WNT7B: variants seen among roughly 807,000 people sequenced by gnomAD.
WNT7B encodes the protein protein Wnt-7b.
A neutral mutation model predicts 38.2 loss-of-function variants in WNT7B; 19 were observed. The observed-to-expected ratio is 0.50, with a 90% confidence interval of 0.35 to 0.73. The LOEUF (loss-of-function observed/expected upper bound fraction) is 0.73, where lower values mean the gene tolerates loss of function less well. WNT7B is among the 30% of genes least tolerant of loss of function. The pLI is 0.01. For synonymous variants in WNT7B, 243 were observed against 209.3 expected (o/e 1.16, Z -1.39); for missense variants, 423 against 507.9 (o/e 0.83, Z 1.61).
Position 45,946,723 on chromosome 22 carries a change from C to A in WNT7B, c.298+3197G>T, listed in dbSNP as rs74739744. On this transcript the variant is annotated intron_variant, in intron 2 of 3. Coordinates refer to ENST00000339464, the MANE Select transcript of WNT7B (RefSeq NM_058238.3). ...CCAGGGGCCCAGGGCAAAGCCAGCA[C>A]AGGGTCCTTAGAAGAAACCATCTGT... Among the ~76,000 whole-genome samples the A allele has an allele frequency of 7.5e-3, 1,136 of 152,310 alleles. 23 individuals are homozygous for A. The highest frequency in any genetic ancestry group is 0.026 in the African/African-American group (1,060 of 41,566).
intron 3 of WNT7B, chr22:45,926,396 G>C: frequency 1.0e-6 from 1 of 985,402 alleles, no homozygotes; most frequent in Non-Finnish European, 1.2e-6. Flanking sequence ...GGTTGGGCAG[G>C]GGGGTGGTGG....
At chr22:45,937,507 C>T (rs61127239) in intron 2 of WNT7B, among the ~76,000 whole-genome samples, 2,398 of 152,302 alleles carry the variant, frequency 0.016, 62 homozygotes, top group African/African-American at 0.054. Flanking sequence ...GTGTGACACA[C>T]GACACATTTG....
intron 1 of WNT7B, among the ~76,000 whole-genome samples, chr22:45,960,568 G>A (rs547849325): frequency 2.0e-5 from 3 of 152,332 alleles, no homozygotes; most frequent in African/African-American, 7.2e-5. Context: ...CCTCCCTCCC[G>A]GCCCCTGGCC....
At chr22:45,952,140 G>A (rs117979240) in intron 1 of WNT7B, among the ~76,000 whole-genome samples, 6,664 of 152,310 alleles carry the variant, frequency 0.044, 245 homozygotes, top group East Asian at 0.18. Context: ...GGGGACCGCC[G>A]GGGGCTCCCC....
At chr22:45,923,400 AC>A (rs1930989399) in intron 3 of WNT7B, 65 bp from the exon 4 acceptor site, 1 of 1,526,496 alleles carries the variant, frequency 6.6e-7, no homozygotes, top group South Asian at 1.3e-5. Context: ...AGGTTCCCCT[AC>A]CCCTGCCTCT....
intron 2 of WNT7B, among the ~76,000 whole-genome samples, chr22:45,934,903 C>A (rs1052558812): frequency 6.6e-6 from 1 of 152,226 alleles, no homozygotes; most frequent in Non-Finnish European, 1.5e-5. Flanking sequence ...TTAGGTCCGG[C>A]GAGAGTCGCT....
intron 3 of WNT7B, chr22:45,927,436 T>C (rs915468590): frequency 2.2e-5 from 34 of 1,545,788 alleles, no homozygotes; most frequent in Middle Eastern, 3.5e-4. Flanking sequence ...ACATGCCAGC[T>C]AGGGGAACGG....
rs1932555077 is a variant in WNT7B, at chr22:45,976,532, T to A, written c.71+152A>T. 2.6e-6 allele frequency: 2 copies of A among 780,240 alleles called. No individual in the cohort carries two copies. Among genetic ancestry groups the A allele is most frequent in the East Asian group, 6.0e-5 (2 of 33,460 alleles). 48.3% of individuals were successfully genotyped at this position (780,240 alleles called of 1,614,324 possible). On this transcript the variant is annotated intron_variant, in intron 1 of 3. Transcript: ENST00000339464. The surrounding 1 kb of genome is among the most constrained non-coding windows in gnomAD (Gnocchi z 8.5). ...GGGTTGGGCTGCGTCTCTGCTGGCG[T>A]GGGGCGAGGGTCTGACACACGGGCC...
intron 1 of WNT7B, chr22:45,972,462 G>T: frequency 4.8e-6 from 1 of 206,900 alleles, no homozygotes; most frequent in Non-Finnish European, 9.5e-6. Context: ...GGAGTGCGGG[G>T]CGGGGACCCG....
chr22:45,948,667 C>A (rs1178098662), intron 2 of WNT7B, among the ~76,000 whole-genome samples: 1 of 152,038 alleles, frequency 6.6e-6, no homozygotes, highest in Non-Finnish European at 1.5e-5. Context: ...CACACAACAG[C>A]AGTTTACTGA....
At chr22:45,931,664 C>T (rs535590885) in intron 2 of WNT7B, among the ~76,000 whole-genome samples, 17 of 152,238 alleles carry the variant, frequency 1.1e-4, no homozygotes, top group East Asian at 1.9e-4. Context: ...GCAGTGCTGC[C>T]GACAGCTTCT....
rs745651846 is a variant in WNT7B, at chr22:45,923,180, C to T, written c.726G>A (p.Arg242=). The change falls in exon 4 of 4, where the codon CGG becomes CGA. Residue 242 remains arginine (R), a synonymous_variant. Transcript: ENST00000339464. ...AGGTGGGCTGCCGCAGACGGCTGGC[C>T]CGCACCACCTCCACCTGCACGGCCG... ...YNAAVQVEVV[R]ASRLRQPTFL... 5 of 1,613,006 alleles carry T rather than the reference C, an allele frequency of 3.1e-6. No individual in the cohort carries two copies. The highest frequency in any genetic ancestry group is 4.2e-6 in the Non-Finnish European group (5 of 1,179,994).
In WNT7B at chr22:45,922,742, C is replaced by T; in HGVS notation, c.*114G>A. On this transcript the variant is annotated 3_prime_UTR_variant, in exon 4 of 4. Coordinates refer to ENST00000339464, the MANE Select transcript of WNT7B (RefSeq NM_058238.3). The stretch of plus-strand genomic sequence containing the variant: ...GCCCTCCTGCACCTGGAGCTCCCCG[C>T]TTCTGCACCCGTCTATGTCTGCTGC... The T allele has an allele frequency of 6.7e-7, 1 of 1,488,616 alleles. No homozygotes were observed. Among genetic ancestry groups the T allele is most frequent in the African/African-American group, 1.4e-5 (1 of 71,688 alleles). The allele number at this position is 1,488,616 out of a possible 1,614,324, so 92.2% of individuals were successfully genotyped here.
chr22:45,959,146 G>T (rs917563507), intron 1 of WNT7B, among the ~76,000 whole-genome samples: 2 of 152,184 alleles, frequency 1.3e-5, no homozygotes, highest in Admixed American at 6.5e-5. Context: ...AGACACATGC[G>T]GGAGACACTC....
intron 1 of WNT7B, among the ~76,000 whole-genome samples, chr22:45,971,156 A>AG (rs1172662161): frequency 1.2e-5 from 1 of 83,140 alleles, no homozygotes; most frequent in Non-Finnish European, 2.4e-5. Context: ...GCATGGGGGG[A>AG]GGGGGTGGCG....
At chr22:45,930,371 T>C (rs544808346) in intron 3 of WNT7B, among the ~76,000 whole-genome samples, 10 of 152,368 alleles carry the variant, frequency 6.6e-5, no homozygotes, top group African/African-American at 2.4e-4. Context: ...TCTGCTGCCC[T>C]GGGTGCAGCC....
chr22:45,946,488 C>A (rs1280431240), intron 2 of WNT7B, among the ~76,000 whole-genome samples: 1 of 152,208 alleles, frequency 6.6e-6, no homozygotes, highest in African/African-American at 2.4e-5. Context: ...TTCTCCTGCC[C>A]CCACCGTGGC....
In WNT7B at chr22:45,964,426, C is replaced by T. The variant is rs527352931; in HGVS notation, c.71+12258G>A. ...GTGTGGCCCCTGCAGGCCAGCCCCC[C>T]CCAGGCTGAGGGGAGTCATGGGGCA... On this transcript the variant is annotated intron_variant, in intron 1 of 3. Coordinates refer to ENST00000339464, the MANE Select transcript of WNT7B (RefSeq NM_058238.3). 7.9e-5 allele frequency among the ~76,000 whole-genome samples: 12 copies of T among 152,298 alleles called. No individual in the cohort carries two copies. In the East Asian group the frequency reaches 1.2e-3, roughly 15 times the overall value.
chr22:45,941,187 T>TGGATC (rs994915282), intron 2 of WNT7B, among the ~76,000 whole-genome samples: 1 of 151,910 alleles, frequency 6.6e-6, no homozygotes, highest in Non-Finnish European at 1.5e-5. Context: ...GATTAGCAAG[T>TGGATC]GGATCGGGTG....
Sources: allele counts gnomAD v4.1 joint callset (sites outside exome capture counted in the v4.1 genomes callset), GRCh38; gene constraint gnomAD v4.1.1; non-coding constraint Gnocchi (gnomAD v3.1); transcripts MANE v1.5; gene names NCBI Gene and HGNC (gene_info 2026-07-23, HGNC 2026-07-21).